ANO7: variants seen among roughly 807,000 people sequenced by gnomAD.
ANO7 encodes anoctamin 7, also known as anoctamin-7.
Under a neutral mutation model 115.8 loss-of-function variants are expected in ANO7, and 114 were observed. The observed-to-expected ratio is 0.98, with a 90% CI of 0.85 to 1.15. ANO7 has a LOEUF of 1.15. Ranked by LOEUF, ANO7 falls within the 50% of genes most tolerant of loss-of-function variation. ANO7 has a pLI of 0.00. For synonymous variants in ANO7, 550 were observed against 498.2 expected (o/e 1.10, Z -1.38); for missense variants, 1,302 against 1,201.2 (o/e 1.08, Z -1.24).
the ANO7 span, chr2:241,236,862 G>A: frequency 2.9e-6 from 4 of 1,358,124 alleles, no homozygotes; most frequent in South Asian, 4.0e-5. Context: ...CACCTGCTGG[G>A]TGCTGGGTGG....
At chr2:241,230,952 A>C (rs780459901), downstream of ANO7, 1 of 1,610,544 alleles carries the variant, frequency 6.2e-7, no homozygotes, top group African/African-American at 1.3e-5. The surrounding 1 kb of genome is among the most constrained non-coding windows in gnomAD (Gnocchi z 5.0). Context: ...GGGCTAAAAA[A>C]GGAGAATGTA....
chr2:241,236,251 G>A, the ANO7 span: 1 of 300,226 alleles, frequency 3.3e-6, no homozygotes, highest in South Asian at 4.5e-5. Context: ...CACACAAGGT[G>A]AGCTAGGCCT....
At chr2:241,236,777 G>A in the ANO7 span, 49 of 1,613,498 alleles carry the variant, frequency 3.0e-5, 1 homozygote, top group Middle Eastern at 6.6e-4. Context: ...GAACTAGAGA[G>A]AAAGGGGAAA....
Position 241,188,879 on chromosome 2 carries a change from G to T in ANO7, c.-8+113G>T. The stretch of plus-strand genomic sequence containing the variant: ...GACTTTCACACACCCTGGCCTGTGG[G>T]GAGGCAGTGCCAGGGCCCGCCCTGG... On this transcript the variant is annotated intron_variant, in intron 1 of 24. Transcript: ENST00000674324. This position sits in a 1 kb window ranked among gnomAD's most constrained non-coding sequence, Gnocchi z 4.3. The T allele has an allele frequency of 7.1e-7, 1 of 1,401,320 alleles. No homozygotes were observed. The highest frequency in any genetic ancestry group is 9.5e-7 in the Non-Finnish European group (1 of 1,048,498). The allele number at this position is 1,401,320 out of a possible 1,614,324, so 86.8% of individuals were successfully genotyped here. A position where few individuals can be genotyped will look rare whatever the true frequency, so the allele number is the denominator to read the frequency against.
intron 3 of ANO7, among the ~76,000 whole-genome samples, chr2:241,192,622 A>T (rs1038597876): frequency 2.6e-5 from 4 of 152,210 alleles, no homozygotes; most frequent in Admixed American, 2.6e-4. Context: ...GGGCTTTGAC[A>T]TACAAATTTT....
chr2:241,227,669 G>C (rs115328890), downstream of ANO7: 133 of 152,770 alleles, frequency 8.7e-4, no homozygotes, highest in African/African-American at 3.1e-3. Flanking sequence ...AATTAAAATT[G>C]ACCTTTGGGA....
intron 3 of ANO7, among the ~76,000 whole-genome samples, chr2:241,193,546 A>C (rs1574756948): frequency 1.4e-5 from 2 of 144,082 alleles, no homozygotes; most frequent in African/African-American, 2.5e-5. Context: ...GAAGCTCCCC[A>C]CCCTTCATTC....
chr2:241,239,100 ATT>A, the ANO7 span, among the ~76,000 whole-genome samples: 7 of 152,156 alleles, frequency 4.6e-5, no homozygotes, highest in Non-Finnish European at 8.8e-5. The surrounding 1 kb of genome is among the most constrained non-coding windows in gnomAD (Gnocchi z 4.6). Flanking sequence ...AGACTTGATT[ATT>A]AGGGAAAGGG....
intron 4 of ANO7, 149 bp from the exon 5 acceptor site, chr2:241,199,167 G>C: frequency 1.4e-6 from 1 of 708,324 alleles, no homozygotes; most frequent in Non-Finnish European, 2.5e-6. Context: ...ATGGGAGTAG[G>C]TGTCATGTAT....
chr2:241,229,857 G>C, downstream of ANO7: 9 of 1,465,474 alleles, frequency 6.1e-6, no homozygotes, highest in Non-Finnish European at 8.3e-6. Context: ...TGGCGGTCCA[G>C]GGTGCGTCCC....
At position 241,190,123 on chromosome 2, in the gene ANO7, T is replaced by C; in HGVS notation, c.60T>C (p.Pro20=). ...CCGTCCTGATCGATGTGAGCCCCCC[T>C]GAGGCAGAGAAGAGGGGCTCTTACG... is the stretch of plus-strand genomic sequence containing the variant. ...DSTVLIDVSP[P]EAEKRGSYGS... Residue 20 remains proline, a synonymous_variant, in exon 2 of 25, where the codon CCT becomes CCC. Coordinates refer to ENST00000674324, the MANE Select transcript of ANO7 (RefSeq NM_001370694.2). 1 of 1,580,488 alleles carries C rather than the reference T, an allele frequency of 6.3e-7. No homozygotes were observed. The highest frequency in any genetic ancestry group is 8.6e-7 in the Non-Finnish European group (1 of 1,163,480).
the ANO7 span, among the ~76,000 whole-genome samples, chr2:241,236,988 G>A: frequency 2.5e-4 from 38 of 150,672 alleles, 1 homozygote; most frequent in African/African-American, 6.3e-4. Flanking sequence ...GGGGGGGGGG[G>A]GGGGGGCGGC....
At chr2:241,235,074 G>T in the ANO7 span, 1 of 1,600,216 alleles carries the variant, frequency 6.2e-7, no homozygotes, top group South Asian at 1.1e-5. Context: ...TGTGCCCAAA[G>T]CTGAGCACCA....
chr2:241,200,525 C>CGA (rs2068447500), intron 6 of ANO7, among the ~76,000 whole-genome samples: 1 of 152,236 alleles, frequency 6.6e-6, no homozygotes. Flanking sequence ...CTGCTCACCA[C>CGA]GGTCTCTCAG....
chr2:241,200,772 C>T (rs976743386), intron 6 of ANO7, among the ~76,000 whole-genome samples: 4 of 152,254 alleles, frequency 2.6e-5, no homozygotes, highest in South Asian at 2.1e-4. Flanking sequence ...TTCTGCCACA[C>T]GGGATGCCTC....
At position 241,225,110 on chromosome 2, in the gene ANO7, T is replaced by A. The variant is rs1431153586; in HGVS notation, c.*957T>A. 1.3e-5 allele frequency: 2 copies of A among 152,214 alleles called. No individual in the cohort carries two copies. 9.4% of individuals were successfully genotyped at this position (152,214 alleles called of 1,614,324 possible). On this transcript the variant is annotated 3_prime_UTR_variant, in exon 25 of 25. Coordinates refer to ENST00000674324, the MANE Select transcript of ANO7 (RefSeq NM_001370694.2). ...CTGGGGAGCCACATGAAGCTTCCCC[T>A]GGCTAACTTGCTACCCCGCAGCAAT...
intron 19 of ANO7, among the ~76,000 whole-genome samples, chr2:241,216,903 G>A (rs568708863): frequency 3.9e-5 from 6 of 152,278 alleles, no homozygotes; most frequent in Admixed American, 6.5e-5. Flanking sequence ...GCGCCATCTC[G>A]GCTCACTCCA....
chr2:241,238,505 C>G, the ANO7 span: 3 of 618,018 alleles, frequency 4.9e-6, no homozygotes. This position sits in a 1 kb window ranked among gnomAD's most constrained non-coding sequence, Gnocchi z 4.9. Context: ...AGGGAGTGAC[C>G]CTGAACCTCT....
intron 13 of ANO7, 47 bp from the exon 14 acceptor site, chr2:241,210,248 T>G (rs1574782611): frequency 1.3e-6 from 2 of 1,588,204 alleles, no homozygotes; most frequent in Non-Finnish European, 1.7e-6. Context: ...GGTGCTGGGG[T>G]GCCCAAGACA....
Sources: allele counts gnomAD v4.1 joint callset (sites outside exome capture counted in the v4.1 genomes callset), GRCh38; gene constraint gnomAD v4.1.1; non-coding constraint Gnocchi (gnomAD v3.1); transcripts MANE v1.5; gene names NCBI Gene and HGNC (gene_info 2026-07-23, HGNC 2026-07-21).